The following XPR1 variants were observed in gnomAD, a reference collection of about 807,000 sequenced individuals.
XPR1 encodes the protein solute carrier family 53 member 1.
Under a neutral mutation model 87.5 loss-of-function variants are expected in XPR1, and 28 were observed. The observed-to-expected ratio is 0.32, with a 90% CI of 0.24 to 0.44. The LOEUF (loss-of-function observed/expected upper bound fraction) is 0.44. XPR1 is among the 20% of genes least tolerant of loss of function. The pLI is 1.00. For synonymous variants in XPR1, 300 were observed against 306.1 expected (o/e 0.98, Z 0.21); for missense variants, 559 against 862.3 (o/e 0.65, Z 4.41).
In XPR1 at chr1:180,884,391, G is replaced by T. The variant is rs1652939380; in HGVS notation, c.*325G>T. The T allele has an allele frequency of 1.0e-5, 2 of 200,466 alleles. No individual in the cohort carries two copies. Among genetic ancestry groups the T allele is most frequent in the Non-Finnish European group, 2.0e-5 (2 of 98,750 alleles). 12.4% of individuals were successfully genotyped at this position (200,466 alleles called of 1,614,324 possible). On this transcript the variant is annotated 3_prime_UTR_variant, in exon 15 of 15. Transcript: ENST00000367590. ...AGATACCTATCAGGATGAAGAACAG[G>T]CATTGCAAGGACCCTCTGATGGGAC... is the stretch of plus-strand genomic sequence containing the variant.
chr1:180,760,084 C>G (rs1273440058), intron 2 of XPR1, among the ~76,000 whole-genome samples: 1 of 152,142 alleles, frequency 6.6e-6, no homozygotes, highest in African/African-American at 2.4e-5. Context: ...TAAAAACGCT[C>G]AATAAAGTAG....
chr1:180,861,236 C>G (rs1453621404), intron 11 of XPR1, among the ~76,000 whole-genome samples: 2 of 152,056 alleles, frequency 1.3e-5, no homozygotes, highest in African/African-American at 4.8e-5. Context: ...CTGGCACATA[C>G]CTTACATTCA....
At chr1:180,671,989 C>T (rs1656197439) in intron 1 of XPR1, among the ~76,000 whole-genome samples, 1 of 152,030 alleles carries the variant, frequency 6.6e-6, no homozygotes, top group African/African-American at 2.4e-5. Context: ...GAAATAAAGC[C>T]TTAAGAAGAA....
chr1:180,711,039 C>T (rs1366285206), intron 2 of XPR1, among the ~76,000 whole-genome samples: 1 of 151,518 alleles, frequency 6.6e-6, no homozygotes, highest in African/African-American at 2.4e-5. Flanking sequence ...CGGAGGGGCT[C>T]CTCACTTCTC....
In XPR1 at chr1:180,873,951, A is replaced by G; in HGVS notation, c.1808+9A>G. On this transcript the variant is annotated intron_variant, in intron 13 of 14. Coordinates refer to ENST00000367590, the MANE Select transcript of XPR1 (RefSeq NM_004736.4). ...CCACTTGAGGTTTTCCGGTAAGCAAACTACTGAAAAGTTTATTAAAGATTC... is the reference window on the plus strand; with the variant it reads ...CCACTTGAGGTTTTCCGGTAAGCAAGCTACTGAAAAGTTTATTAAAGATTC... 6.2e-7 allele frequency: 1 copy of G among 1,609,180 alleles called. No homozygotes were observed. Among genetic ancestry groups the G allele is most frequent in the South Asian group, 1.1e-5 (1 of 89,764 alleles).
At chr1:180,718,745 C>T (rs1453699403) in intron 2 of XPR1, among the ~76,000 whole-genome samples, 3 of 151,442 alleles carry the variant, frequency 2.0e-5, no homozygotes, top group South Asian at 2.1e-4. Flanking sequence ...CTCGGCTCAC[C>T]GCAACCCCTG....
chr1:180,797,490 CTCTT>C (rs1649630883), intron 3 of XPR1, among the ~76,000 whole-genome samples: 3 of 152,276 alleles, frequency 2.0e-5, no homozygotes, highest in East Asian at 3.9e-4. Flanking sequence ...GTAACAGGTC[CTCTT>C]TCTTTTCATT....
intron 2 of XPR1, among the ~76,000 whole-genome samples, chr1:180,696,165 G>GGTGGGT (rs1553237669): frequency 9.1e-4 from 94 of 102,994 alleles, no homozygotes; most frequent in Non-Finnish European, 1.4e-3. Flanking sequence ...TTTATTCCTG[G>GGTGGGT]GTGTGTGTGT....
intron 2 of XPR1, among the ~76,000 whole-genome samples, chr1:180,692,287 C>A (rs760783779): frequency 2.0e-5 from 3 of 151,934 alleles, no homozygotes; most frequent in Non-Finnish European, 4.4e-5. Context: ...GTGAGGTTAA[C>A]CCCAAGAATG....
At position 180,744,654 on chromosome 1, in the gene XPR1, C is replaced by CTTTT. The variant is rs71121048; in HGVS notation, c.122-43088_122-43085dup. 3.8e-4 allele frequency among the ~76,000 whole-genome samples: 39 copies of CTTTT among 102,402 alleles called. 3 individuals carry two copies. Among genetic ancestry groups the CTTTT allele is most frequent in the South Asian group, 3.2e-3 (10 of 3,172 alleles). 67.2% of individuals were successfully genotyped at this position (102,402 alleles called of 152,430 possible). Reference sequence around the variant, plus strand: ...GTTCAGGTTTAGGCACAATTTCTTTCTTTTTTTTTTTTTTGAGACAGAATC... The same window carrying CTTTT: ...GTTCAGGTTTAGGCACAATTTCTTTCTTTTTTTTTTTTTTTTTTGAGACAGAATC... On this transcript the variant is annotated intron_variant, in intron 2 of 14. Coordinates refer to ENST00000367590, the MANE Select transcript of XPR1 (RefSeq NM_004736.4).
Position 180,825,195 on chromosome 1 carries a change from C to G in XPR1, c.985C>G (p.Leu329Val). ...IAGFLGILWC[L>V]SLLACFFAPI... ...TGGATTCCTCGGGATATTGTGGTGC[C>G]TGAGCCTTCTGGCATGCTTCTTTGC... The change falls in exon 9 of 15, where the codon CTG becomes GTG. Residue 329 changes from leucine to valine, a missense_variant. By Grantham distance (32) the Leu-to-Val change is conservative. Coordinates refer to ENST00000367590, the MANE Select transcript of XPR1 (RefSeq NM_004736.4). 1.9e-6 allele frequency: 3 copies of G among 1,613,462 alleles called. No homozygotes were observed. The South Asian group carries it at 3.3e-5, about 18-fold the overall frequency.
At chr1:180,680,144 A>G (rs887020451) in intron 1 of XPR1, among the ~76,000 whole-genome samples, 1 of 152,132 alleles carries the variant, frequency 6.6e-6, no homozygotes, top group Non-Finnish European at 1.5e-5. Flanking sequence ...CTCATCATCA[A>G]AGAAATACAA....
At chr1:180,671,907 G>A (rs1015425577) in intron 1 of XPR1, among the ~76,000 whole-genome samples, 3 of 152,182 alleles carry the variant, frequency 2.0e-5, no homozygotes, top group African/African-American at 7.2e-5. Context: ...TTAAATATTT[G>A]TTGAATGAGT....
intron 2 of XPR1, among the ~76,000 whole-genome samples, chr1:180,712,830 A>G (rs1464867263): frequency 2.0e-5 from 3 of 151,992 alleles, no homozygotes; most frequent in Admixed American, 6.5e-5. Flanking sequence ...AAATAAATAA[A>G]AATAAAAAAA....
chr1:180,834,790 C>G, intron 9 of XPR1, 84 bp from the exon 10 acceptor site: 1 of 1,409,212 alleles, frequency 7.1e-7, no homozygotes, highest in Non-Finnish European at 9.5e-7. Context: ...CTAAAGTAAT[C>G]ATGCTGAATG....
Position 180,632,052 on chromosome 1 carries a change from C to A in XPR1, c.-150C>A. On this transcript the variant is annotated 5_prime_UTR_variant, in exon 1 of 15. The change creates a new upstream start codon in the 5' untranslated region. Transcript: ENST00000367590. Reference sequence around the variant, plus strand: ...GAGGAGGAGGAAGATGGCGGGCGGGCTGCTCTGAAGAGACCTCGGCGGCGG... The same window carrying A: ...GAGGAGGAGGAAGATGGCGGGCGGGATGCTCTGAAGAGACCTCGGCGGCGG... 1 of 843,704 alleles carries A rather than the reference C, an allele frequency of 1.2e-6. No individual in the cohort carries two copies. Among genetic ancestry groups the A allele is most frequent in the Non-Finnish European group, 2.0e-6 (1 of 512,464 alleles). The allele number at this position is 843,704 out of a possible 1,614,324, so 52.3% of individuals were successfully genotyped here.
In XPR1 at chr1:180,831,351, C is replaced by CT. The variant is rs761265418; in HGVS notation, c.1135-3519dup. Among the ~76,000 whole-genome samples the CT allele has an allele frequency of 1.5e-4, 14 of 96,054 alleles. No homozygotes were observed. In the East Asian group the frequency reaches 4.0e-3, roughly 28 times the overall value. The allele number at this position is 96,054 out of a possible 152,430, so 63.0% of individuals were successfully genotyped here. A position where few individuals can be genotyped will look rare whatever the true frequency, so the allele number is the denominator to read the frequency against. On this transcript the variant is annotated intron_variant, in intron 9 of 14. Transcript: ENST00000367590. ...TTCCCACCTCTTTGCTTTCTATTTT[C>CT]TTTTCTTTTTCTTTTTTTTTTTTTT...
At chr1:180,841,498 A>T (rs1375778409) in intron 11 of XPR1, among the ~76,000 whole-genome samples, 1 of 152,136 alleles carries the variant, frequency 6.6e-6, no homozygotes, top group Non-Finnish European at 1.5e-5. Flanking sequence ...TAGACTCTTA[A>T]CATGCTACGT....
intron 2 of XPR1, among the ~76,000 whole-genome samples, chr1:180,709,352 A>G (rs1657676107): frequency 6.6e-6 from 1 of 152,228 alleles, no homozygotes; most frequent in Non-Finnish European, 1.5e-5. Flanking sequence ...AAGTTATGAC[A>G]TTTGTATACA....
Sources: allele counts gnomAD v4.1 joint callset (sites outside exome capture counted in the v4.1 genomes callset), GRCh38; gene constraint gnomAD v4.1.1; transcripts MANE v1.5; gene names NCBI Gene and HGNC (gene_info 2026-07-23, HGNC 2026-07-21).